The following NFX1 variants were observed in gnomAD, a reference collection of about 807,000 sequenced individuals.
NFX1 encodes transcriptional repressor NF-X1.
Under a neutral mutation model 137.2 loss-of-function variants are expected in NFX1, and 69 were observed. The observed-to-expected ratio is 0.50, with a 90% CI of 0.41 to 0.61. The LOEUF (loss-of-function observed/expected upper bound fraction) is 0.61. Ranked by LOEUF, NFX1 falls within the 20% of genes least tolerant of loss-of-function variation. The pLI is 0.00. For missense variants in NFX1, 1,167 were observed against 1,391.0 expected, an observed-to-expected ratio of 0.84 and a Z score of 2.56; for synonymous variants, 495 against 474.1, an observed-to-expected ratio of 1.04 and a Z score of -0.57.
At chr9:33,345,600 G>C (rs1371734138) in intron 14 of NFX1, among the ~76,000 whole-genome samples, 1 of 152,188 alleles carries the variant, frequency 6.6e-6, no homozygotes, top group Non-Finnish European at 1.5e-5. Context: ...ATATATGTTT[G>C]CATTTTTTCC....
At chr9:33,366,509 G>T (rs1472840889) in intron 21 of NFX1, 120 bp from the exon 22 acceptor site, 13 of 1,201,558 alleles carry the variant, frequency 1.1e-5, no homozygotes, top group Non-Finnish European at 1.5e-5. Flanking sequence ...AATGCTCTAT[G>T]CTGTGGGCCT....
At chr9:33,345,128 C>G (rs1293574989) in intron 14 of NFX1, among the ~76,000 whole-genome samples, 1 of 151,370 alleles carries the variant, frequency 6.6e-6, no homozygotes, top group Non-Finnish European at 1.5e-5. Context: ...TGCCACTGCA[C>G]TTCAGCCTGG....
intron 17 of NFX1, 23 bp downstream of exon 17, chr9:33,352,742 C>T (rs1244706642): frequency 1.9e-6 from 3 of 1,573,634 alleles, no homozygotes; most frequent in Non-Finnish European, 1.7e-6. Flanking sequence ...TAAATGTTAA[C>T]AACTGATGGC....
At chr9:33,322,480 C>T (rs755352739) in intron 9 of NFX1, among the ~76,000 whole-genome samples, 4 of 152,116 alleles carry the variant, frequency 2.6e-5, no homozygotes, top group Non-Finnish European at 2.9e-5. Flanking sequence ...CTCTACCCCT[C>T]CAACTCCAAG....
At chr9:33,348,700 A>G in intron 15 of NFX1, 1 of 957,008 alleles carries the variant, frequency 1.0e-6, no homozygotes, top group Non-Finnish European at 1.2e-6. Flanking sequence ...TATCTATGAA[A>G]TGCAATAAAG....
chr9:33,304,889 C>A (rs1196200756), intron 4 of NFX1, among the ~76,000 whole-genome samples: 2 of 152,074 alleles, frequency 1.3e-5, no homozygotes, highest in Non-Finnish European at 2.9e-5. Flanking sequence ...ACATAAAGTA[C>A]CACAATGGAA....
intron 2 of NFX1, among the ~76,000 whole-genome samples, chr9:33,295,820 A>G (rs1461283975): frequency 6.6e-6 from 1 of 152,206 alleles, no homozygotes; most frequent in Non-Finnish European, 1.5e-5. Context: ...AATCTGCCTC[A>G]TCTGGTCTGC....
At chr9:33,316,090 A>G (rs1822152736) in intron 7 of NFX1, among the ~76,000 whole-genome samples, 1 of 152,146 alleles carries the variant, frequency 6.6e-6, no homozygotes, top group South Asian at 2.1e-4. Context: ...TAGAACTTCA[A>G]GGCTTCCATC....
At chr9:33,299,643 A>C (rs1436620640) in intron 2 of NFX1, among the ~76,000 whole-genome samples, 1 of 152,178 alleles carries the variant, frequency 6.6e-6, no homozygotes, top group Admixed American at 6.5e-5. Flanking sequence ...AGCCACGATC[A>C]TGCCACTGCA....
chr9:33,338,650 C>G (rs1254335398), intron 12 of NFX1, 61 bp downstream of exon 12: 1 of 1,426,832 alleles, frequency 7.0e-7, no homozygotes, highest in African/African-American at 1.4e-5. Context: ...CTTCTGGAAG[C>G]CTGAGCCATG....
At chr9:33,351,406 GT>G (rs1823630813) in intron 15 of NFX1, among the ~76,000 whole-genome samples, 153 bp from the exon 16 acceptor site, 1 of 149,194 alleles carries the variant, frequency 6.7e-6, no homozygotes, top group South Asian at 2.1e-4. Context: ...TAATCACACT[GT>G]TGCACTCCAG....
At chr9:33,328,707 G>A in intron 10 of NFX1, 29 bp downstream of exon 10, 7 of 1,522,066 alleles carry the variant, frequency 4.6e-6, no homozygotes, top group Non-Finnish European at 6.4e-6. Flanking sequence ...TAGAGTTGTT[G>A]CCATCAATGT....
intron 10 of NFX1, among the ~76,000 whole-genome samples, chr9:33,329,719 C>T (rs371898611): frequency 3.3e-5 from 5 of 151,680 alleles, no homozygotes; most frequent in East Asian, 3.9e-4. Context: ...AGTGCAGAGG[C>T]GCAGTCTTGG....
chr9:33,303,349 GTT>G, intron 4 of NFX1, 81 bp downstream of exon 4: 1 of 1,170,740 alleles, frequency 8.5e-7, no homozygotes, highest in Non-Finnish European at 1.3e-6. Context: ...TGCGGGGCAT[GTT>G]TTAGAAGTTA....
At chr9:33,314,333 T>G (rs1284465837) in intron 7 of NFX1, among the ~76,000 whole-genome samples, 1 of 152,058 alleles carries the variant, frequency 6.6e-6, no homozygotes, top group African/African-American at 2.4e-5. Flanking sequence ...AAGTAACTGC[T>G]TGAAAAGGAC....
rs151146557 is a variant in NFX1 at position 33,319,666 on chromosome 9, C to T, written c.1906+539C>T. Among the ~76,000 whole-genome samples, 896 of 152,186 alleles carry T rather than the reference C, an allele frequency of 5.9e-3. 10 individuals carry two copies. The highest frequency in any genetic ancestry group is 0.02 in the African/African-American group (818 of 41,516). On this transcript the variant is annotated intron_variant, in intron 9 of 23. Coordinates refer to ENST00000379540, the MANE Select transcript of NFX1 (RefSeq NM_002504.6). ...CTGGGACTACAGGCGCACACCACCA[C>T]GCCCGGCTAATTTTTGTATTTTTAA...
chr9:33,365,990 C>T (rs1824157410), intron 21 of NFX1: 1 of 152,190 alleles, frequency 6.6e-6, no homozygotes, highest in African/African-American at 2.4e-5. Flanking sequence ...GGCTTCCTCC[C>T]CCTTCCATCA....
chr9:33,360,491 A>T (rs906591589), intron 19 of NFX1, among the ~76,000 whole-genome samples: 5 of 152,194 alleles, frequency 3.3e-5, no homozygotes, highest in African/African-American at 9.6e-5. Context: ...AAGCCTTTTG[A>T]ATTTCTCCTC....
At chr9:33,301,125 A>T in intron 2 of NFX1, 138 bp from the exon 3 acceptor site, 1 of 780,816 alleles carries the variant, frequency 1.3e-6, no homozygotes, top group South Asian at 2.0e-5. Flanking sequence ...CAGCTGCCTT[A>T]CCCAGAATCA....
Sources: gnomAD v4.1 joint callset for allele counts (sites outside exome capture counted in the v4.1 genomes callset) on GRCh38, gnomAD v4.1.1 for gene constraint, MANE v1.5 for transcripts, NCBI Gene and HGNC (gene_info 2026-07-23, HGNC 2026-07-21) for gene names.